Variants in COG5 observed in about 807,000 individuals in gnomAD.
COG5 encodes component of oligomeric golgi complex 5, also known as conserved oligomeric Golgi complex subunit 5.
Under a neutral mutation model 110.4 loss-of-function variants are expected in COG5, and 86 were observed. That is an observed-to-expected ratio of 0.78 (90% confidence interval 0.65 to 0.93). The LOEUF (loss-of-function observed/expected upper bound fraction) is 0.93. Ranked by LOEUF, COG5 falls within the 40% of genes least tolerant of loss-of-function variation. The pLI is 0.00. For synonymous variants in COG5, 360 were observed against 334.6 expected, an observed-to-expected ratio of 1.08 and a Z score of -0.83; for missense variants, 1,077 against 987.0, an observed-to-expected ratio of 1.09 and a Z score of -1.22.
chr7:107,372,641 T>C lies in COG5; in HGVS notation c.789A>G (p.Ala263=). 3 of 1,613,756 alleles carry C rather than the reference T, an allele frequency of 1.9e-6. No homozygotes were observed. Among genetic ancestry groups the C allele is most frequent in the African/African-American group, 1.3e-5 (1 of 75,050 alleles). The change falls in exon 8 of 22, where the codon GCA becomes GCG. Residue 263 remains alanine (A), a synonymous_variant. Transcript: ENST00000297135. ...CATLEENINS[A]LDIKVLTQPS... Reference sequence around the variant, plus strand: ...GCTGAGTCAAAACTTTTATGTCTAATGCACTGTTGATATTTTCTTCTAAAG... The same window carrying C: ...GCTGAGTCAAAACTTTTATGTCTAACGCACTGTTGATATTTTCTTCTAAAG...
intron 7 of COG5, among the ~76,000 whole-genome samples, chr7:107,396,698 C>A (rs1330977617): frequency 6.6e-6 from 1 of 151,954 alleles, no homozygotes; most frequent in Non-Finnish European, 1.5e-5. Flanking sequence ...TTTAATTTCT[C>A]AATTTTTAAC....
chr7:107,408,738 T>C (rs1792053972), intron 7 of COG5, among the ~76,000 whole-genome samples: 1 of 152,190 alleles, frequency 6.6e-6, no homozygotes, highest in Non-Finnish European at 1.5e-5. Flanking sequence ...AGGGGACATC[T>C]ATTTTGCTGA....
At chr7:107,391,700 G>C (rs1348392554) in intron 7 of COG5, among the ~76,000 whole-genome samples, 2 of 152,154 alleles carry the variant, frequency 1.3e-5, no homozygotes, top group Non-Finnish European at 2.9e-5. Context: ...CTTTGCATGT[G>C]GGAGGAATCT....
intron 11 of COG5, among the ~76,000 whole-genome samples, chr7:107,312,496 T>C (rs911313695): frequency 2.6e-5 from 4 of 152,114 alleles, no homozygotes; most frequent in African/African-American, 9.7e-5. Flanking sequence ...TGGGTGGGCA[T>C]GGGGAAAGAG....
At chr7:107,209,210 G>A (rs1798984544) in intron 21 of COG5, 3 of 985,356 alleles carry the variant, frequency 3.0e-6, no homozygotes, top group Non-Finnish European at 3.6e-6. Context: ...TGGGAGAGTT[G>A]AGAATGACTT....
At chr7:107,218,101 A>G (rs1347627577) in intron 19 of COG5, among the ~76,000 whole-genome samples, 2 of 152,102 alleles carry the variant, frequency 1.3e-5, no homozygotes, top group Non-Finnish European at 2.9e-5. Flanking sequence ...TAGCTACAAG[A>G]ATGTAAAATA....
intron 11 of COG5, among the ~76,000 whole-genome samples, chr7:107,312,826 C>A (rs1584662893): frequency 6.9e-6 from 1 of 145,172 alleles, no homozygotes; most frequent in African/African-American, 2.7e-5. Context: ...TCATGCTTGG[C>A]AGAAGCAGAG....
At chr7:107,405,865 C>T (rs1477594000) in intron 7 of COG5, among the ~76,000 whole-genome samples, 34 of 152,118 alleles carry the variant, frequency 2.2e-4, no homozygotes, top group Non-Finnish European at 1.5e-5. Flanking sequence ...GCCTTTGCTC[C>T]TTCTACCACA....
chr7:107,378,835 T>G (rs1344850631), intron 7 of COG5, among the ~76,000 whole-genome samples: 3 of 152,104 alleles, frequency 2.0e-5, no homozygotes, highest in Non-Finnish European at 4.4e-5. Flanking sequence ...TGGAACCAAG[T>G]GGGAAAACAC....
At chr7:107,253,636 T>C (rs1802677147) in intron 16 of COG5, among the ~76,000 whole-genome samples, 1 of 152,170 alleles carries the variant, frequency 6.6e-6, no homozygotes. Flanking sequence ...ATGTCATTCA[T>C]AACATATTAG....
At chr7:107,361,603 C>T (rs939657488) in intron 10 of COG5, among the ~76,000 whole-genome samples, 7 of 152,084 alleles carry the variant, frequency 4.6e-5, no homozygotes, top group African/African-American at 1.7e-4. Flanking sequence ...ACTCTGTCGC[C>T]GAGGCTGGAG....
chr7:107,343,762 GATGTT>G (rs1811364150), intron 10 of COG5, among the ~76,000 whole-genome samples: 1 of 152,128 alleles, frequency 6.6e-6, no homozygotes, highest in Non-Finnish European at 1.5e-5. Flanking sequence ...CTGTAGAATG[GATGTT>G]ATGTTAGCAT....
At chr7:107,322,114 CA>C (rs1327612478) in intron 11 of COG5, among the ~76,000 whole-genome samples, 1 of 152,162 alleles carries the variant, frequency 6.6e-6, no homozygotes, top group Non-Finnish European at 1.5e-5. Context: ...AAAATGTGGT[CA>C]ACATCTGCTA....
chr7:107,361,664 C>T (rs1411894154), intron 10 of COG5, among the ~76,000 whole-genome samples: 1 of 152,174 alleles, frequency 6.6e-6, no homozygotes, highest in Non-Finnish European at 1.5e-5. Flanking sequence ...TGGTTTGAAG[C>T]AATTCTCCTG....
intron 10 of COG5, among the ~76,000 whole-genome samples, chr7:107,341,657 A>C (rs1584701137): frequency 6.6e-6 from 1 of 152,312 alleles, no homozygotes; most frequent in East Asian, 1.9e-4. Flanking sequence ...GCAAAACAGC[A>C]TGGTACTGGT....
rs1177457633 is a variant in COG5 at position 107,298,989 on chromosome 7, G to A, written c.1109-643C>T. Among the ~76,000 whole-genome samples the A allele has an allele frequency of 5.3e-5, 8 of 152,196 alleles. 1 individual carries two copies. Among genetic ancestry groups the A allele is most frequent in the Admixed American group, 2.6e-4 (4 of 15,282 alleles). ...AAATGAGAAGTATTTTGAACTGAAC[G>A]AAAATTTTAACGCAACATATCAAAA... On this transcript the variant is annotated intron_variant, in intron 11 of 21. Coordinates refer to ENST00000297135, the MANE Select transcript of COG5 (RefSeq NM_006348.5).
At chr7:107,208,897 T>C in intron 21 of COG5, 4 of 985,406 alleles carry the variant, frequency 4.1e-6, no homozygotes, top group Non-Finnish European at 4.8e-6. Flanking sequence ...TCATCCTAAC[T>C]GAAATATGAC....
At chr7:107,222,966 A>T (rs1800055608) in intron 19 of COG5, among the ~76,000 whole-genome samples, 1 of 152,168 alleles carries the variant, frequency 6.6e-6, no homozygotes, top group Admixed American at 6.5e-5. Context: ...CAGTCTTCTG[A>T]CAGCTTGTTA....
intron 10 of COG5, among the ~76,000 whole-genome samples, chr7:107,355,794 T>C (rs73187349): frequency 0.038 from 5,745 of 152,244 alleles, 153 homozygotes; most frequent in Middle Eastern, 0.068. Flanking sequence ...AATGAATAGG[T>C]AGAAAGGAAT....
Sources: allele counts gnomAD v4.1 joint callset (sites outside exome capture counted in the v4.1 genomes callset), GRCh38; gene constraint gnomAD v4.1.1; transcripts MANE v1.5; gene names NCBI Gene and HGNC (gene_info 2026-07-23, HGNC 2026-07-21).